ADGRL3: variants seen among roughly 807,000 people sequenced by gnomAD.
ADGRL3 encodes the protein adhesion G protein-coupled receptor L3, also known as calcium-independent alpha-latrotoxin receptor 3.
In ADGRL3, 62 loss-of-function variants were observed where a neutral mutation model predicts 153.5. The ratio of observed to expected loss-of-function variants is 0.40; its 90% confidence interval spans 0.33 to 0.50. The LOEUF (loss-of-function observed/expected upper bound fraction) is 0.50, where lower values mean the gene tolerates loss of function less well. Ranked by LOEUF, ADGRL3 falls within the 20% of genes least tolerant of loss-of-function variation. The pLI is 0.47. For missense variants in ADGRL3, 1,641 were observed against 1,859.4 expected (o/e 0.88, Z 2.16); for synonymous variants, 710 against 672.5 (o/e 1.06, Z -0.86).
intron 25 of ADGRL3, among the ~76,000 whole-genome samples, chr4:62,065,123 AT>A: frequency 6.6e-6 from 1 of 152,034 alleles, no homozygotes; most frequent in Admixed American, 6.6e-5. Context: ...TTATGTATAT[AT>A]TTTTTTCTTC....
At chr4:61,952,573 C>T (rs931863013) in intron 17 of ADGRL3, among the ~76,000 whole-genome samples, 4 of 151,934 alleles carry the variant, frequency 2.6e-5, no homozygotes, top group African/African-American at 9.7e-5. Context: ...CAAATTCATG[C>T]TCAATTAGCA....
intron 4 of ADGRL3, among the ~76,000 whole-genome samples, chr4:61,576,888 A>C (rs930635832): frequency 1.3e-5 from 2 of 151,888 alleles, no homozygotes; most frequent in African/African-American, 4.8e-5. Context: ...CAATTGTCCA[A>C]TTCTGAATGG....
At chr4:61,589,557 A>C (rs546545676) in intron 5 of ADGRL3, among the ~76,000 whole-genome samples, 1 of 152,186 alleles carries the variant, frequency 6.6e-6, no homozygotes, top group African/African-American at 2.4e-5. Flanking sequence ...GTTTTTTTAA[A>C]AGGTATCTTA....
chr4:61,788,023 T>A (rs2097297911), intron 8 of ADGRL3, among the ~76,000 whole-genome samples: 1 of 152,222 alleles, frequency 6.6e-6, no homozygotes, highest in Non-Finnish European at 1.5e-5. Context: ...ACATTTTCTT[T>A]ATTCACTTGT....
intron 2 of ADGRL3, among the ~76,000 whole-genome samples, chr4:61,401,426 A>G (rs1227650766): frequency 2.6e-5 from 4 of 151,990 alleles, no homozygotes; most frequent in Non-Finnish European, 5.9e-5. Flanking sequence ...TTAAATAAAA[A>G]TGAAATATTT....
chr4:61,385,518 G>T (rs1285926754), intron 2 of ADGRL3: 2 of 152,140 alleles, frequency 1.3e-5, no homozygotes, highest in Non-Finnish European at 2.9e-5. Context: ...CAACTCCTCC[G>T]TGAATTTCAC....
Position 61,202,644 on chromosome 4 carries a change from G to T in ADGRL3, c.-240+879G>T, listed in dbSNP as rs1024173518. ...GGCGCTTCTCTGAGGAGAAGGGAAGGCTCCAGGCTGCAGCGCAGCGTCTGA... is the reference window on the plus strand; with the variant it reads ...GGCGCTTCTCTGAGGAGAAGGGAAGTCTCCAGGCTGCAGCGCAGCGTCTGA... On this transcript the variant is annotated intron_variant, in intron 1 of 26. Coordinates refer to ENST00000683033, the MANE Select transcript of ADGRL3 (RefSeq NM_001387552.1). This position sits in a 1 kb window ranked among gnomAD's most constrained non-coding sequence, Gnocchi z 5.0. Among the ~76,000 whole-genome samples the T allele has an allele frequency of 1.1e-4, 17 of 152,156 alleles. No individual in the cohort carries two copies. The highest frequency in any genetic ancestry group is 4.1e-4 in the African/African-American group (17 of 41,444).
chr4:61,930,008 T>C (rs2098811011), intron 13 of ADGRL3, among the ~76,000 whole-genome samples: 1 of 151,950 alleles, frequency 6.6e-6, no homozygotes, highest in Non-Finnish European at 1.5e-5. Context: ...ACCCTGTCTG[T>C]ACTAAAAAAT....
intron 6 of ADGRL3, among the ~76,000 whole-genome samples, chr4:61,699,026 T>G: frequency 6.6e-6 from 1 of 152,190 alleles, no homozygotes; most frequent in East Asian, 1.9e-4. Flanking sequence ...TCAGAAATGG[T>G]AATAATACGT....
intron 5 of ADGRL3, among the ~76,000 whole-genome samples, chr4:61,639,099 G>C (rs1317394179): frequency 6.6e-6 from 1 of 152,102 alleles, no homozygotes; most frequent in African/African-American, 2.4e-5. Context: ...CAATAGTGAG[G>C]TTATTTCCTA....
chr4:61,260,464 GTGTTAGACAATGCGGTATTGTA>G (rs763907638), intron 1 of ADGRL3, among the ~76,000 whole-genome samples: 3 of 152,124 alleles, frequency 2.0e-5, no homozygotes, highest in African/African-American at 4.8e-5. Context: ...AAAGGCTTTG[GTGTTAGACAATGCGGTATTGTA>G]TGTTATTTTT....
At chr4:61,882,589 G>C (rs1436672314) in intron 9 of ADGRL3, among the ~76,000 whole-genome samples, 1 of 152,010 alleles carries the variant, frequency 6.6e-6, no homozygotes, top group African/African-American at 2.4e-5. Context: ...ACTTTGGCCT[G>C]TCAACACCCA....
intron 1 of ADGRL3, among the ~76,000 whole-genome samples, chr4:61,307,451 T>A (rs1331395951): frequency 2.6e-5 from 4 of 152,224 alleles, no homozygotes; most frequent in African/African-American, 9.6e-5. Flanking sequence ...ATCATGAGGC[T>A]GAATTGAAAC....
chr4:61,720,861 G>A (rs1448392701), intron 6 of ADGRL3, among the ~76,000 whole-genome samples: 1 of 152,050 alleles, frequency 6.6e-6, no homozygotes, highest in Non-Finnish European at 1.5e-5. Flanking sequence ...TTTTCCCAGG[G>A]AGCATAGCAC....
At chr4:61,307,975 G>A (rs781540736) in intron 1 of ADGRL3, among the ~76,000 whole-genome samples, 5 of 152,288 alleles carry the variant, frequency 3.3e-5, no homozygotes, top group African/African-American at 4.8e-5. Context: ...ACAAAGCAGC[G>A]TTTCCAACTA....
At chr4:61,410,909 C>G (rs890723092) in intron 2 of ADGRL3, among the ~76,000 whole-genome samples, 2 of 152,194 alleles carry the variant, frequency 1.3e-5, no homozygotes, top group Non-Finnish European at 2.9e-5. Flanking sequence ...AATCAAGTAA[C>G]TGAGAACCCA....
At chr4:61,240,063 C>T (rs577091148) in intron 1 of ADGRL3, among the ~76,000 whole-genome samples, 4 of 152,132 alleles carry the variant, frequency 2.6e-5, no homozygotes, top group South Asian at 2.1e-4. Context: ...ACTTATTGCT[C>T]GCAGTTCTGG....
chr4:61,937,252 C>T (rs1426954803), intron 15 of ADGRL3, among the ~76,000 whole-genome samples: 4 of 152,124 alleles, frequency 2.6e-5, no homozygotes, highest in Non-Finnish European at 4.4e-5. Flanking sequence ...CTTAACTAGG[C>T]CCGCCACATG....
chr4:61,575,328 T>A (rs1195946249), intron 4 of ADGRL3, among the ~76,000 whole-genome samples: 1 of 152,130 alleles, frequency 6.6e-6, no homozygotes, highest in Middle Eastern at 3.4e-3. Context: ...AGATTTTAAA[T>A]TTGTGTTCTA....
Sources: gnomAD v4.1 joint callset for allele counts (sites outside exome capture counted in the v4.1 genomes callset) on GRCh38, gnomAD v4.1.1 for gene constraint, Gnocchi (gnomAD v3.1) non-coding constraint, MANE v1.5 for transcripts, NCBI Gene and HGNC (gene_info 2026-07-23, HGNC 2026-07-21) for gene names.